ZNF578: variants seen among roughly 807,000 people sequenced by gnomAD.
ZNF578 encodes Putative chemokine-related protein B42.
A neutral mutation model predicts 8.3 loss-of-function variants in ZNF578; 8 were observed. The ratio of observed to expected loss-of-function variants is 0.96; its 90% CI spans 0.56 to 1.74. ZNF578 has a LOEUF of 1.74. ZNF578 is among the 40% of genes most tolerant of loss of function. The probability of loss-of-function intolerance (pLI) is 0.00; values close to 1 mark genes in which losing one functional copy is unlikely to be tolerated. For missense variants in ZNF578, 726 were observed against 707.5 expected, an observed-to-expected ratio of 1.03 and a Z score of -0.30; for synonymous variants, 206 against 232.2, an observed-to-expected ratio of 0.89 and a Z score of 1.03.
Position 52,469,923 on chromosome 19 carries a change from C to A in ZNF578, c.-122+12965C>A, listed in dbSNP as rs931632774. On this transcript the variant is annotated intron_variant, in intron 2 of 5. Coordinates refer to ENST00000421239, the MANE Select transcript of ZNF578 (RefSeq NM_001099694.2). ...AGCTCTTATGTGAGTGGATGACCTACAATAATTGGTGCACACTCAGCCTCA... is the reference window on the plus strand; with the variant it reads ...AGCTCTTATGTGAGTGGATGACCTAAAATAATTGGTGCACACTCAGCCTCA... 1.6e-4 allele frequency among the ~76,000 whole-genome samples: 24 copies of A among 152,062 alleles called. 1 individual carries two copies.
chr19:52,511,525 C>A lies in ZNF578; in HGVS notation c.1144C>A (p.Gln382Lys). Residue 382 changes from glutamine to lysine, a missense_variant, in exon 6 of 6, where the codon CAA becomes AAA. Gln to Lys is a moderately conservative substitution (Grantham distance 53). Transcript: ENST00000421239. ...KCNECGKMFGQNSTLVIHKAI... is the reference protein window; with the variant it reads ...KCNECGKMFGKNSTLVIHKAI... ...TAATGAGTGTGGCAAGATGTTTGGT[C>A]AAAATTCAACCCTTGTAATTCATAA... is the stretch of plus-strand genomic sequence containing the variant. The A allele has an allele frequency of 1.9e-6, 3 of 1,613,590 alleles. No homozygotes were observed. Among genetic ancestry groups the A allele is most frequent in the Non-Finnish European group, 2.5e-6 (3 of 1,179,714 alleles).
At chr19:52,500,730 A>G (rs1242715261) in intron 3 of ZNF578, among the ~76,000 whole-genome samples, 6 of 151,948 alleles carry the variant, frequency 3.9e-5, no homozygotes, top group Admixed American at 2.6e-4. Flanking sequence ...TCAGATAGGC[A>G]TGTATGTCAG....
chr19:52,472,029 C>A (rs1051524671), intron 2 of ZNF578, among the ~76,000 whole-genome samples: 13 of 152,162 alleles, frequency 8.5e-5, no homozygotes, highest in Non-Finnish European at 1.8e-4. Flanking sequence ...TATTGGTATA[C>A]TTCATATAAA....
intron 2 of ZNF578, among the ~76,000 whole-genome samples, chr19:52,485,827 C>G (rs2059343502): frequency 6.6e-6 from 1 of 152,170 alleles, no homozygotes; most frequent in Admixed American, 6.5e-5. Flanking sequence ...ACACAAAACA[C>G]TGTGGAAGGC....
At chr19:52,473,842 C>A (rs559513708) in intron 2 of ZNF578, 11 of 318,910 alleles carry the variant, frequency 3.4e-5, no homozygotes, top group Non-Finnish European at 5.9e-5. Context: ...TATGAATTCT[C>A]CAACATTGTG....
rs490663 is a variant in ZNF578 at position 52,515,937 on chromosome 19, G to A, written c.*3783G>A. 0.21 allele frequency among the ~76,000 whole-genome samples: 31,278 copies of A among 151,754 alleles called. 3,701 individuals are homozygous for A. Among genetic ancestry groups the A allele is most frequent in the East Asian group, 0.48 (2,475 of 5,122 alleles). ...AATCCCTGGCAGGGAACCCTCCACC[G>A]GCTTCCCGTGTTCCCCAGGACAAAA... On this transcript the variant is annotated 3_prime_UTR_variant, in exon 6 of 6. Coordinates refer to ENST00000421239, the MANE Select transcript of ZNF578 (RefSeq NM_001099694.2).
chr19:52,480,205 C>T (rs2059321265), intron 2 of ZNF578, among the ~76,000 whole-genome samples: 1 of 152,104 alleles, frequency 6.6e-6, no homozygotes, highest in Non-Finnish European at 1.5e-5. Flanking sequence ...CGTGCCCAGT[C>T]GATTATGAAT....
At chr19:52,504,508 G>T (rs2059418457) in intron 4 of ZNF578, 147 bp from the exon 5 acceptor site, 1 of 1,494,560 alleles carries the variant, frequency 6.7e-7, no homozygotes, top group South Asian at 1.4e-5. Flanking sequence ...CAACTATTGA[G>T]AAAAAAAATT....
At chr19:52,478,199 G>C (rs2059314166) in intron 2 of ZNF578, among the ~76,000 whole-genome samples, 1 of 152,246 alleles carries the variant, frequency 6.6e-6, no homozygotes, top group Non-Finnish European at 1.5e-5. Flanking sequence ...TCAAAGGGTA[G>C]AAGGTGCATA....
intron 2 of ZNF578, among the ~76,000 whole-genome samples, chr19:52,484,739 C>T (rs1377897422): frequency 6.7e-6 from 1 of 150,118 alleles, no homozygotes; most frequent in Non-Finnish European, 1.5e-5. Flanking sequence ...AAAGCTCCCC[C>T]ACTGAGTACC....
At chr19:52,501,622 A>AT (rs1555756079) in intron 3 of ZNF578, among the ~76,000 whole-genome samples, 1 of 151,856 alleles carries the variant, frequency 6.6e-6, no homozygotes, top group African/African-American at 2.4e-5. Flanking sequence ...CTGCTCCAGG[A>AT]GGGGGGCGAG....
At chr19:52,460,314 CT>C (rs35382657) in intron 2 of ZNF578, among the ~76,000 whole-genome samples, 123,560 of 145,888 alleles carry the variant, frequency 0.85, 53,648 homozygotes, top group Non-Finnish European at 0.96. Flanking sequence ...CTCTCCAACA[CT>C]TTTTTTTTTT....
At chr19:52,497,669 T>C (rs544070871) in intron 3 of ZNF578, among the ~76,000 whole-genome samples, 1 of 152,378 alleles carries the variant, frequency 6.6e-6, no homozygotes, top group South Asian at 2.1e-4. Flanking sequence ...CTAGTCTTTA[T>C]CATATATCGA....
At chr19:52,486,109 G>A (rs530053276) in intron 2 of ZNF578, among the ~76,000 whole-genome samples, 2 of 152,312 alleles carry the variant, frequency 1.3e-5, no homozygotes, top group Non-Finnish European at 2.9e-5. Context: ...AGGAGAAAAC[G>A]GCCTTAGGGC....
Position 52,482,862 on chromosome 19 carries a change from G to A in ZNF578, c.-121-8462G>A, listed in dbSNP as rs139065790. Among the ~76,000 whole-genome samples the A allele has an allele frequency of 8.5e-3, 1,274 of 149,944 alleles. 15 individuals are homozygous for A. Among genetic ancestry groups the A allele is most frequent in the African/African-American group, 0.028 (1,130 of 40,674 alleles). On this transcript the variant is annotated intron_variant, in intron 2 of 5. Transcript: ENST00000421239. Reference sequence around the variant, plus strand: ...TGAGGCAGGAGAATTACTTGGACCTGGCTGGGAGGCAGAGGTTGCAGTGAG... The same window carrying A: ...TGAGGCAGGAGAATTACTTGGACCTAGCTGGGAGGCAGAGGTTGCAGTGAG...
At position 52,510,941 on chromosome 19, in the gene ZNF578, C is replaced by T; in HGVS notation, c.560C>T (p.Ala187Val). 2 of 1,614,176 alleles carry T rather than the reference C, an allele frequency of 1.2e-6. No homozygotes were observed. The highest frequency in any genetic ancestry group is 1.1e-5 in the South Asian group (1 of 91,084). The change falls in exon 6 of 6, where the codon GCT becomes GTT. Residue 187 changes from alanine to valine, a missense_variant. Ala to Val is a moderately conservative substitution (Grantham distance 64, BLOSUM62 0). Transcript: ENST00000421239. Reference protein sequence around the residue: ...ANQVEKSVNDASSISTSQRIS... With the variant: ...ANQVEKSVNDVSSISTSQRIS... ...CAAGTGGAGAAGTCTGTCAACGATGCTTCCTCAATTTCAACATCCCAAAGA... is the reference window on the plus strand; with the variant it reads ...CAAGTGGAGAAGTCTGTCAACGATGTTTCCTCAATTTCAACATCCCAAAGA...
chr19:52,464,547 AT>A (rs1231817328), intron 2 of ZNF578, among the ~76,000 whole-genome samples: 3 of 152,166 alleles, frequency 2.0e-5, no homozygotes, highest in Non-Finnish European at 4.4e-5. Flanking sequence ...GCATCCCCAA[AT>A]ACTGAAAAGG....
chr19:52,509,604 C>T (rs488031), intron 5 of ZNF578, among the ~76,000 whole-genome samples: 50,726 of 151,798 alleles, frequency 0.33, 8,790 homozygotes, highest in African/African-American at 0.4. Flanking sequence ...CGGTCTCTAC[C>T]AAAAACACAC....
At chr19:52,458,597 GC>G (rs1466406285) in intron 2 of ZNF578, 1 of 150,932 alleles carries the variant, frequency 6.6e-6, no homozygotes, top group African/African-American at 2.4e-5. Flanking sequence ...TTCATGCTTT[GC>G]TCAATTTTCT....
Sources: allele counts gnomAD v4.1 joint callset (sites outside exome capture counted in the v4.1 genomes callset), GRCh38; gene constraint gnomAD v4.1.1; transcripts MANE v1.5; gene names NCBI Gene and HGNC (gene_info 2026-07-23, HGNC 2026-07-21).